The following USP6NL variants were observed in gnomAD, a reference collection of about 807,000 sequenced individuals.
The protein encoded by USP6NL is USP6 N-terminal-like protein.
In USP6NL, 26 loss-of-function variants were observed where a neutral mutation model predicts 61.9. That is an observed-to-expected ratio of 0.42 (90% confidence interval 0.31 to 0.58). The LOEUF is 0.58. Ranked by LOEUF, USP6NL falls within the 20% of genes least tolerant of loss-of-function variation. The pLI, the probability that USP6NL is intolerant of heterozygous loss-of-function variation, is 0.16. For synonymous variants in USP6NL, 432 were observed against 390.1 expected (o/e 1.11, Z -1.27); for missense variants, 1,114 against 1,034.3 (o/e 1.08, Z -1.06).
chr10:11,502,539 C>T (rs1439142664), intron 6 of USP6NL, among the ~76,000 whole-genome samples: 1 of 152,090 alleles, frequency 6.6e-6, no homozygotes, highest in Non-Finnish European at 1.5e-5. Flanking sequence ...TTATTATCAT[C>T]GTAATATACT....
intron 2 of USP6NL, among the ~76,000 whole-genome samples, chr10:11,539,372 G>C (rs531253413): frequency 6.6e-6 from 1 of 152,340 alleles, no homozygotes; most frequent in African/African-American, 2.4e-5. Flanking sequence ...CCATCTGGCA[G>C]TCTCCTGCGC....
chr10:11,606,163 G>A (rs1838701636), intron 1 of USP6NL, among the ~76,000 whole-genome samples: 1 of 152,004 alleles, frequency 6.6e-6, no homozygotes, highest in Non-Finnish European at 1.5e-5. Context: ...CAACAAAGAA[G>A]GAATAAACTG....
At chr10:11,571,278 G>T (rs1837350840) in intron 2 of USP6NL, among the ~76,000 whole-genome samples, 1 of 151,876 alleles carries the variant, frequency 6.6e-6, no homozygotes, top group Admixed American at 6.6e-5. Context: ...TAGAGACATG[G>T]TTTCTCCATG....
chr10:11,564,903 T>C (rs1441978070), intron 2 of USP6NL: 1 of 152,196 alleles, frequency 6.6e-6, no homozygotes, highest in Non-Finnish European at 1.5e-5. Flanking sequence ...GCACAACATA[T>C]ATTTGGGACA....
chr10:11,555,104 T>G (rs868003484), intron 2 of USP6NL, among the ~76,000 whole-genome samples: 1,768 of 139,952 alleles, frequency 0.013, 43 homozygotes, highest in African/African-American at 0.038. Flanking sequence ...TTTTTTTTTT[T>G]TTTGGTTTTT....
At chr10:11,508,273 G>A (rs1290591563) in intron 6 of USP6NL, among the ~76,000 whole-genome samples, 1 of 152,172 alleles carries the variant, frequency 6.6e-6, no homozygotes, top group East Asian at 1.9e-4. Flanking sequence ...AATGCTAAGT[G>A]CTTTACATGC....
At chr10:11,547,687 T>C (rs935646733) in intron 2 of USP6NL, among the ~76,000 whole-genome samples, 44 of 152,140 alleles carry the variant, frequency 2.9e-4, no homozygotes, top group East Asian at 5.8e-4. Context: ...ACTACAGGCA[T>C]CCGCCATCAC....
In USP6NL at chr10:11,465,500, C is replaced by T. The variant is rs1045606642; in HGVS notation, c.1079-1651G>A. On this transcript the variant is annotated intron_variant, in intron 14 of 14. Transcript: ENST00000609104. The surrounding 1 kb of genome is among the most constrained non-coding windows in gnomAD (Gnocchi z 4.5). ...CTGCAGAGAGCCACCAACTTTTTAGCTCACATGAAATAATTTAAAATGTCT... is the reference window on the plus strand; with the variant it reads ...CTGCAGAGAGCCACCAACTTTTTAGTTCACATGAAATAATTTAAAATGTCT... Among the ~76,000 whole-genome samples, 3 of 152,164 alleles carry T rather than the reference C, an allele frequency of 2.0e-5. No homozygotes were observed. Among genetic ancestry groups the T allele is most frequent in the Non-Finnish European group, 4.4e-5 (3 of 68,034 alleles).
rs185143794 is a variant in USP6NL, at chr10:11,549,033, T to C, written c.5-21466A>G. Among the ~76,000 whole-genome samples the C allele has an allele frequency of 4.4e-3, 664 of 152,322 alleles. 3 individuals are homozygous for C. Among genetic ancestry groups the C allele is most frequent in the Non-Finnish European group, 6.0e-3 (405 of 68,008 alleles). On this transcript the variant is annotated intron_variant, in intron 2 of 14. Transcript: ENST00000609104. ...GTTTCTAGTTACCAGAATCTACCCA[T>C]GCTTCTCTTCGGAGTCTAGTCTTCT...
chr10:11,538,372 T>G (rs1243962963), intron 2 of USP6NL, among the ~76,000 whole-genome samples: 1 of 152,202 alleles, frequency 6.6e-6, no homozygotes, highest in Non-Finnish European at 1.5e-5. Context: ...TCCACATCTG[T>G]TACCTGTAAT....
chr10:11,567,572 C>T (rs1837209151), intron 2 of USP6NL, among the ~76,000 whole-genome samples: 1 of 152,168 alleles, frequency 6.6e-6, no homozygotes, highest in Admixed American at 6.5e-5. Flanking sequence ...TGAGCTGACA[C>T]AGTTATAGAA....
intron 5 of USP6NL, among the ~76,000 whole-genome samples, chr10:11,517,170 T>C (rs768374035): frequency 3.9e-5 from 6 of 152,256 alleles, no homozygotes; most frequent in Non-Finnish European, 8.8e-5. Flanking sequence ...CCAGTCTTTA[T>C]GTCAATATAT....
In USP6NL at chr10:11,587,458, A is replaced by C. The variant is rs916280627; in HGVS notation, c.4+10173T>G. On this transcript the variant is annotated intron_variant, in intron 2 of 14. Coordinates refer to ENST00000609104, the MANE Select transcript of USP6NL (RefSeq NM_014688.5). The surrounding 1 kb of genome is among the most constrained non-coding windows in gnomAD (Gnocchi z 4.5). ...ATACTATAAGATGATAAGTATCCTGACATTTCATATTAAAATCTAATATGA... is the reference window on the plus strand; with the variant it reads ...ATACTATAAGATGATAAGTATCCTGCCATTTCATATTAAAATCTAATATGA... 6.6e-5 allele frequency among the ~76,000 whole-genome samples: 10 copies of C among 152,182 alleles called. No homozygotes were observed. Among genetic ancestry groups the C allele is most frequent in the African/African-American group, 2.4e-4 (10 of 41,446 alleles).
intron 1 of USP6NL, among the ~76,000 whole-genome samples, chr10:11,608,249 T>C (rs1838770225): frequency 6.6e-6 from 1 of 152,236 alleles, no homozygotes; most frequent in African/African-American, 2.4e-5. Flanking sequence ...AATGCAGAGT[T>C]ATAAAAGTGG....
At position 11,511,431 on chromosome 10, in the gene USP6NL, G is replaced by C. The variant is rs1159352833; in HGVS notation, c.196-1756C>G. ...TGAAAAATTAAGATTGATCTAAATTGCCATTTGGTATTTTTTGTTCTTCTG... is the reference window on the plus strand; with the variant it reads ...TGAAAAATTAAGATTGATCTAAATTCCCATTTGGTATTTTTTGTTCTTCTG... On this transcript the variant is annotated intron_variant, in intron 5 of 14. Transcript: ENST00000609104. The surrounding 1 kb of genome is among the most constrained non-coding windows in gnomAD (Gnocchi z 4.9). Among the ~76,000 whole-genome samples the C allele has an allele frequency of 6.6e-6, 1 of 152,084 alleles. No individual in the cohort carries two copies. Among genetic ancestry groups the C allele is most frequent in the Non-Finnish European group, 1.5e-5 (1 of 68,006 alleles).
At chr10:11,578,657 G>C (rs1200941309) in intron 2 of USP6NL, among the ~76,000 whole-genome samples, 1 of 152,136 alleles carries the variant, frequency 6.6e-6, no homozygotes, top group Non-Finnish European at 1.5e-5. Flanking sequence ...AAAGAATTCA[G>C]ATATAGACAC....
intron 4 of USP6NL, among the ~76,000 whole-genome samples, chr10:11,519,940 A>G (rs12357954): frequency 0.11 from 17,255 of 152,216 alleles, 1,290 homozygotes; most frequent in East Asian, 0.16. Flanking sequence ...GAAGAGCATG[A>G]TAGAGCGGTA....
rs1011449693 is a variant in USP6NL at position 11,463,282 on chromosome 10, G to A, written c.1646C>T (p.Ser549Leu). 3.1e-6 allele frequency: 5 copies of A among 1,613,680 alleles called. No individual in the cohort carries two copies. Among genetic ancestry groups the A allele is most frequent in the African/African-American group, 2.7e-5 (2 of 74,934 alleles). Residue 549 changes from serine (S) to leucine (L), a missense_variant, in exon 15 of 15, where the codon TCG becomes TTG. By Grantham distance (145) the Ser-to-Leu change is moderately radical. Coordinates refer to ENST00000609104, the MANE Select transcript of USP6NL (RefSeq NM_014688.5). This position sits in a 1 kb window ranked among gnomAD's most constrained non-coding sequence, Gnocchi z 6.3. ...AEDGKRGSTA[S>L]QYDNVPGPEL... ...CGGGCCTGGCACGTTGTCGTACTGC[G>A]ATGCAGTGGAGCCCCGCTTCCCGTC...
chr10:11,610,172 T>C (rs1236391735), intron 1 of USP6NL, among the ~76,000 whole-genome samples: 1 of 152,320 alleles, frequency 6.6e-6, no homozygotes, highest in Non-Finnish European at 1.5e-5. Context: ...CTTTTATTAG[T>C]ATAATTTTTT....
Sources: allele counts gnomAD v4.1 joint callset (sites outside exome capture counted in the v4.1 genomes callset), GRCh38; gene constraint gnomAD v4.1.1; non-coding constraint Gnocchi (gnomAD v3.1); transcripts MANE v1.5; gene names NCBI Gene and HGNC (gene_info 2026-07-23, HGNC 2026-07-21).